Variants in TENM1 observed in about 807,000 individuals in gnomAD.
TENM1 encodes the protein teneurin-1.
Under a neutral mutation model 174.8 loss-of-function variants are expected in TENM1, and 35 were observed. The ratio of observed to expected loss-of-function variants is 0.20; its 90% CI spans 0.15 to 0.27. The LOEUF (loss-of-function observed/expected upper bound fraction) is 0.27, where lower values mean the gene tolerates loss of function less well. TENM1 is among the 10% of genes least tolerant of loss of function. The pLI, the probability that TENM1 is intolerant of heterozygous loss-of-function variation, is 1.00. For synonymous variants in TENM1, 781 were observed against 798.7 expected, an observed-to-expected ratio of 0.98 and a Z score of 0.37; for missense variants, 1,633 against 2,130.1, an observed-to-expected ratio of 0.77 and a Z score of 4.59.
chrX:124,961,587 T>C (rs1322470672), intron 1 of TENM1, among the ~76,000 whole-genome samples: 1 of 110,877 alleles, frequency 9.0e-6, no homozygotes, highest in Admixed American at 9.6e-5. Context: ...GAGGTTGCAG[T>C]GAGCCAAGAT....
intron 3 of TENM1, among the ~76,000 whole-genome samples, chrX:124,749,663 C>A (rs1365770160): frequency 1.8e-5 from 2 of 111,724 alleles, no homozygotes; most frequent in Non-Finnish European, 3.8e-5. Context: ...ACCTAACAAA[C>A]GATGACGACT....
At chrX:125,035,692 G>C in the TENM1 span, among the ~76,000 whole-genome samples, 1 of 111,741 alleles carries the variant, frequency 8.9e-6, no homozygotes, top group South Asian at 3.7e-4. Context: ...CCAGAAAATG[G>C]CTTTGTAAAT....
At chrX:124,695,326 T>C (rs1603019179) in intron 5 of TENM1, among the ~76,000 whole-genome samples, 1 of 111,652 alleles carries the variant, frequency 9.0e-6, no homozygotes, top group South Asian at 3.8e-4. Flanking sequence ...ACAGATCTAT[T>C]TTTAAAGAGA....
rs186088190 is a variant in TENM1, at chrX:124,916,138, C to A, written c.218-19897G>T. ...GCAATCTCACCTCTTTGAAAAAAAA[C>A]CATTGTTTTACCCCCATTTTAGACT... On this transcript the variant is annotated intron_variant, in intron 1 of 31. Transcript: ENST00000422452. Among the ~76,000 whole-genome samples, 864 of 111,512 alleles carry A rather than the reference C, an allele frequency of 7.7e-3. 2 individuals are homozygous for A. Among genetic ancestry groups the A allele is most frequent in the Non-Finnish European group, 0.012 (629 of 53,015 alleles).
chrX:125,185,411 A>G, the TENM1 span, among the ~76,000 whole-genome samples: 1 of 112,408 alleles, frequency 8.9e-6, no homozygotes, highest in Non-Finnish European at 1.9e-5. Flanking sequence ...TTATTCAGAC[A>G]TGTAAGACAG....
chrX:124,650,190 A>G (rs1193839848), intron 8 of TENM1, among the ~76,000 whole-genome samples: 5 of 90,815 alleles, frequency 5.5e-5, no homozygotes, highest in Non-Finnish European at 1.1e-4. Context: ...CGATGGAGAG[A>G]AACTGTCTCC....
chrX:124,581,185 C>T (rs2049298587), intron 11 of TENM1, among the ~76,000 whole-genome samples: 1 of 105,194 alleles, frequency 9.5e-6, no homozygotes, highest in South Asian at 4.4e-4. Flanking sequence ...CTGCATCAGT[C>T]TCCTGAGTAG....
At chrX:124,478,216 G>T (rs867585816) in intron 22 of TENM1, among the ~76,000 whole-genome samples, 1 of 112,301 alleles carries the variant, frequency 8.9e-6, no homozygotes, top group African/African-American at 3.2e-5. Context: ...CTTCGTGTTC[G>T]GGTAAATGAA....
At chrX:124,857,688 T>C (rs1244665972) in intron 3 of TENM1, among the ~76,000 whole-genome samples, 2 of 110,372 alleles carry the variant, frequency 1.8e-5, no homozygotes, top group African/African-American at 6.6e-5. Flanking sequence ...TCTGTAAATA[T>C]AATAAAAACC....
intron 3 of TENM1, among the ~76,000 whole-genome samples, chrX:124,767,549 T>A (rs1001261925): frequency 2.7e-5 from 3 of 111,856 alleles, no homozygotes; most frequent in Non-Finnish European, 5.7e-5. Flanking sequence ...GATAGATCTA[T>A]CAATCTATCT....
the TENM1 span, among the ~76,000 whole-genome samples, chrX:125,025,699 GAAC>G: frequency 9.0e-6 from 1 of 111,485 alleles, no homozygotes; most frequent in African/African-American, 3.3e-5. Flanking sequence ...GAAGAAAAGA[GAAC>G]CAGGCATAAG....
intron 11 of TENM1, among the ~76,000 whole-genome samples, chrX:124,583,064 A>C (rs952710452): frequency 1.8e-5 from 2 of 112,318 alleles, no homozygotes; most frequent in African/African-American, 6.5e-5. Flanking sequence ...CCACAGCTCA[A>C]GGAGGCCTGC....
At chrX:124,977,521 G>A in the TENM1 span, among the ~76,000 whole-genome samples, 2 of 110,437 alleles carry the variant, frequency 1.8e-5, no homozygotes, top group Admixed American at 9.7e-5. Flanking sequence ...TCAATGATTC[G>A]GGGTTCATTT....
chrX:124,462,840 G>T (rs1416456732), intron 22 of TENM1, among the ~76,000 whole-genome samples: 1 of 111,631 alleles, frequency 9.0e-6, no homozygotes, highest in Non-Finnish European at 1.9e-5. Context: ...AGCATGCCAG[G>T]AGGCCAAGAA....
chrX:124,832,373 C>A lies in TENM1; in HGVS notation c.535+61923G>T, dbSNP rs563998517. 3.6e-5 allele frequency among the ~76,000 whole-genome samples: 4 copies of A among 111,863 alleles called. No individual in the cohort carries two copies. The South Asian group carries it at 1.5e-3, about 42-fold the overall frequency. On this transcript the variant is annotated intron_variant, in intron 3 of 31. Coordinates refer to ENST00000422452, the Ensembl canonical transcript of TENM1. ...AATATAGTGTCAGTTTCTTAGCCAG[C>A]AAAAGTTAGAGGTTAGTCTGATGAG...
chrX:125,061,125 T>C, the TENM1 span, among the ~76,000 whole-genome samples: 1 of 111,307 alleles, frequency 9.0e-6, no homozygotes, highest in African/African-American at 3.3e-5. Flanking sequence ...TAATGTGTTA[T>C]ATCAATTAAT....
chrX:124,382,587 C>T (rs891013996), intron 31 of TENM1, 83 bp downstream of exon 34: 34 of 927,870 alleles, frequency 3.7e-5, no homozygotes, highest in Non-Finnish European at 4.5e-5. Flanking sequence ...AATCAGTAAG[C>T]AAACATATGT....
At chrX:124,582,608 A>C (rs147969445) in intron 11 of TENM1, among the ~76,000 whole-genome samples, 1 of 112,085 alleles carries the variant, frequency 8.9e-6, no homozygotes, top group Non-Finnish European at 1.9e-5. Flanking sequence ...CGTGAGCGAC[A>C]CAGAAGATGG....
At chrX:124,643,259 T>G (rs2051064280) in intron 10 of TENM1, among the ~76,000 whole-genome samples, 1 of 111,800 alleles carries the variant, frequency 8.9e-6, no homozygotes, top group Admixed American at 9.5e-5. Flanking sequence ...CCTGCTTCAA[T>G]GTATTCATGG....
Sources: gnomAD v4.1 joint callset for allele counts (sites outside exome capture counted in the v4.1 genomes callset) on GRCh38, gnomAD v4.1.1 for gene constraint, MANE v1.5 for transcripts, NCBI Gene and HGNC (gene_info 2026-07-23, HGNC 2026-07-21) for gene names.